CRACDL: variants seen among roughly 807,000 people sequenced by gnomAD.
CRACDL encodes CRACD-like protein.
In CRACDL, 26 loss-of-function variants were observed where a neutral mutation model predicts 70.6. The ratio of observed to expected loss-of-function variants is 0.37; its 90% CI spans 0.27 to 0.51. The LOEUF (loss-of-function observed/expected upper bound fraction) is 0.51. Among genes scored for constraint, CRACDL ranks in the 20% least tolerant of loss-of-function variants. The probability of loss-of-function intolerance (pLI) is 0.94; values close to 1 mark genes in which losing one functional copy is unlikely to be tolerated. For missense variants in CRACDL, 1,283 were observed against 1,376.9 expected (o/e 0.93, Z 1.08); for synonymous variants, 618 against 615.2 (o/e 1.00, Z -0.07).
intron 1 of CRACDL, among the ~76,000 whole-genome samples, chr2:98,915,375 T>C (rs1264733493): frequency 6.6e-6 from 1 of 152,134 alleles, no homozygotes; most frequent in East Asian, 1.9e-4. Context: ...GGGAGGCACC[T>C]CCTGGAACCC....
At chr2:98,925,926 A>C (rs562921935) in intron 1 of CRACDL, among the ~76,000 whole-genome samples, 4 of 152,200 alleles carry the variant, frequency 2.6e-5, no homozygotes, top group African/African-American at 9.6e-5. Context: ...TTAAATCACA[A>C]TATGGGGTGG....
chr2:98,917,443 A>G (rs1230121495), intron 1 of CRACDL, among the ~76,000 whole-genome samples: 1 of 152,254 alleles, frequency 6.6e-6, no homozygotes, highest in Non-Finnish European at 1.5e-5. Context: ...CCCAAGGCAT[A>G]TGAGAGTCCT....
intron 1 of CRACDL, among the ~76,000 whole-genome samples, chr2:98,916,359 G>A (rs906565620): frequency 1.3e-5 from 2 of 152,184 alleles, no homozygotes; most frequent in African/African-American, 4.8e-5. Flanking sequence ...GATTATGGAC[G>A]TGCATGAGGA....
chr2:98,913,847 G>A (rs1404777287), intron 1 of CRACDL, among the ~76,000 whole-genome samples: 1 of 152,226 alleles, frequency 6.6e-6, no homozygotes, highest in African/African-American at 2.4e-5. Context: ...GCCCTGGCAA[G>A]GCACCTGGCC....
At chr2:98,827,298 A>G in intron 5 of CRACDL, 129 bp from the exon 6 acceptor site, 1 of 650,714 alleles carries the variant, frequency 1.5e-6, no homozygotes, top group Non-Finnish European at 2.7e-6. Flanking sequence ...CGTGTGTGGA[A>G]ATACTTTCTT....
intron 5 of CRACDL, among the ~76,000 whole-genome samples, chr2:98,831,395 G>C (rs1705536739): frequency 6.6e-6 from 1 of 152,222 alleles, no homozygotes; most frequent in Non-Finnish European, 1.5e-5. Context: ...ACACAATTCA[G>C]AGAAGCACAG....
intron 1 of CRACDL, among the ~76,000 whole-genome samples, chr2:98,898,307 T>C (rs946101520): frequency 2.0e-5 from 3 of 152,214 alleles, no homozygotes; most frequent in Non-Finnish European, 1.5e-5. Context: ...TGTGGGGGCC[T>C]CAGAGAGGTC....
At chr2:98,856,387 G>A (rs1468697871) in intron 1 of CRACDL, among the ~76,000 whole-genome samples, 1 of 152,096 alleles carries the variant, frequency 6.6e-6, no homozygotes, top group Admixed American at 6.5e-5. Context: ...AAATGAAGAT[G>A]AACTAGAGAT....
At chr2:98,935,486 C>T (rs1709183361) in intron 1 of CRACDL, among the ~76,000 whole-genome samples, 1 of 152,176 alleles carries the variant, frequency 6.6e-6, no homozygotes, top group South Asian at 2.1e-4. Context: ...AAGCCTAAAA[C>T]CTGTTAAATA....
intron 1 of CRACDL, among the ~76,000 whole-genome samples, chr2:98,908,881 C>T (rs1169444390): frequency 6.6e-6 from 1 of 152,206 alleles, no homozygotes; most frequent in Non-Finnish European, 1.5e-5. Flanking sequence ...TGTTTTCTCT[C>T]AGCCTAGCCA....
chr2:98,900,071 G>A (rs868079785), intron 1 of CRACDL, among the ~76,000 whole-genome samples: 45 of 126,150 alleles, frequency 3.6e-4, no homozygotes, highest in African/African-American at 4.7e-4. Flanking sequence ...AGGAGGGGAG[G>A]CAGATGGACA....
intron 7 of CRACDL, among the ~76,000 whole-genome samples, chr2:98,818,656 C>T (rs1480887279): frequency 6.6e-6 from 1 of 152,174 alleles, no homozygotes; most frequent in Admixed American, 6.5e-5. Context: ...AACTGAATTG[C>T]TTCTAGCTAA....
chr2:98,863,798 A>C lies in CRACDL; in HGVS notation c.-10-16988T>G, dbSNP rs538866791. ...GACATAACCCCATCGTAAGTCAAGA[A>C]GCACCTGGAATTATTAGTCTCAAAA... On this transcript the variant is annotated intron_variant, in intron 1 of 9. Coordinates refer to ENST00000397899, the MANE Select transcript of CRACDL (RefSeq NM_207362.3). Among the ~76,000 whole-genome samples the C allele has an allele frequency of 7.9e-5, 12 of 152,318 alleles. 1 individual carries two copies. In the South Asian group the frequency reaches 2.3e-3, roughly 29 times the overall value.
At chr2:98,856,275 C>T (rs910845629) in intron 1 of CRACDL, among the ~76,000 whole-genome samples, 43 of 152,060 alleles carry the variant, frequency 2.8e-4, no homozygotes, top group Non-Finnish European at 5.1e-4. Context: ...AATTTCTTAT[C>T]AGAAACATTG....
At chr2:98,915,590 C>T (rs1008036072) in intron 1 of CRACDL, among the ~76,000 whole-genome samples, 9 of 151,948 alleles carry the variant, frequency 5.9e-5, no homozygotes, top group South Asian at 2.1e-4. Context: ...AGGTGAAGGA[C>T]GAGAGCCACA....
In CRACDL at chr2:98,822,273, C is replaced by A. The variant is rs1222914444; in HGVS notation, c.2000G>T (p.Cys667Phe). Residue 667 changes from cysteine to phenylalanine, a missense_variant, in exon 7 of 10, where the codon TGC becomes TTC. Coordinates refer to ENST00000397899, the MANE Select transcript of CRACDL (RefSeq NM_207362.3). This position sits in a 1 kb window ranked among gnomAD's most constrained non-coding sequence, Gnocchi z 4.9. ...AAAAPGTREP[C>F]PAAQEPAPSE... is the part of the protein sequence containing the mutation. Reference sequence around the variant, plus strand: ...CGGGGCCGGCTCCTGGGCGGCTGGGCAGGGCTCTCTCGTGCCGGGCGCGGC... The same window carrying A: ...CGGGGCCGGCTCCTGGGCGGCTGGGAAGGGCTCTCTCGTGCCGGGCGCGGC... The A allele has an allele frequency of 3.2e-6, 5 of 1,586,032 alleles. No homozygotes were observed. The Middle Eastern group carries it at 5.0e-4, about 159-fold the overall frequency.
At chr2:98,929,128 C>T (rs1709005122) in intron 1 of CRACDL, among the ~76,000 whole-genome samples, 2 of 152,204 alleles carry the variant, frequency 1.3e-5, no homozygotes, top group Admixed American at 6.5e-5. Context: ...AATACCCCTC[C>T]TTAGGGAACA....
intron 7 of CRACDL, among the ~76,000 whole-genome samples, chr2:98,798,852 C>G (rs1047118805): frequency 6.6e-6 from 1 of 152,012 alleles, no homozygotes; most frequent in Non-Finnish European, 1.5e-5. Flanking sequence ...CCATCACGCC[C>G]AGTGAATTTT....
At chr2:98,856,758 C>G (rs905011487) in intron 1 of CRACDL, among the ~76,000 whole-genome samples, 2 of 152,168 alleles carry the variant, frequency 1.3e-5, no homozygotes, top group African/African-American at 2.4e-5. Flanking sequence ...GATGCCTCAA[C>G]GTCCTCACAA....
Sources: allele counts gnomAD v4.1 joint callset (sites outside exome capture counted in the v4.1 genomes callset), GRCh38; gene constraint gnomAD v4.1.1; non-coding constraint Gnocchi (gnomAD v3.1); transcripts MANE v1.5; gene names NCBI Gene and HGNC (gene_info 2026-07-23, HGNC 2026-07-21).